The following FAM120B variants were observed in gnomAD, a reference collection of about 807,000 sequenced individuals.
FAM120B encodes family with sequence similarity 120 member B.
In FAM120B, 83 loss-of-function variants were observed where a neutral mutation model predicts 96.3. That is an observed-to-expected ratio of 0.86 (90% CI 0.72 to 1.03). FAM120B has a LOEUF of 1.03. Ranked by LOEUF, FAM120B falls within the 50% of genes least tolerant of loss-of-function variation. The pLI is 0.00. For missense variants in FAM120B, 1,027 were observed against 1,121.2 expected (o/e 0.92, Z 1.20); for synonymous variants, 407 against 402.7 (o/e 1.01, Z -0.13).
chr6:170,300,343 C>T (rs1479968893), intron 1 of FAM120B, among the ~76,000 whole-genome samples: 1 of 152,194 alleles, frequency 6.6e-6, no homozygotes, highest in Non-Finnish European at 1.5e-5. Flanking sequence ...ATCACCAAAA[C>T]AGCATGAGGG....
At chr6:170,348,923 A>G (rs1787394970) in intron 5 of FAM120B, among the ~76,000 whole-genome samples, 1 of 152,166 alleles carries the variant, frequency 6.6e-6, no homozygotes, top group Non-Finnish European at 1.5e-5. Flanking sequence ...CTGCTGAGCT[A>G]GAGATTGTAG....
intron 1 of FAM120B, among the ~76,000 whole-genome samples, chr6:170,296,953 C>T (rs950037676): frequency 1.3e-5 from 2 of 152,224 alleles, no homozygotes; most frequent in African/African-American, 4.8e-5. Flanking sequence ...CGGGCCGTGC[C>T]CACCACAGGG....
At chr6:170,381,205 G>A (rs1325055371) in intron 6 of FAM120B, among the ~76,000 whole-genome samples, 3 of 152,130 alleles carry the variant, frequency 2.0e-5, no homozygotes, top group Non-Finnish European at 4.4e-5. Context: ...TAGGGATAAG[G>A]CAGGGGATAT....
intron 7 of FAM120B, among the ~76,000 whole-genome samples, 153 bp from the exon 8 acceptor site, chr6:170,390,860 G>A (rs1371902970): frequency 5.9e-5 from 9 of 152,176 alleles, no homozygotes; most frequent in Non-Finnish European, 1.2e-4. Flanking sequence ...ACTGTGCTGC[G>A]GTTCATGTCT....
At chr6:170,354,826 G>A (rs576845466) in intron 5 of FAM120B, among the ~76,000 whole-genome samples, 1 of 152,294 alleles carries the variant, frequency 6.6e-6, no homozygotes, top group Non-Finnish European at 1.5e-5. Context: ...CTACTTGGGA[G>A]GCTGAGGCAG....
chr6:170,399,134 A>G (rs56737552), intron 9 of FAM120B, among the ~76,000 whole-genome samples: 4 of 142,624 alleles, frequency 2.8e-5, no homozygotes, highest in African/African-American at 5.4e-5. Flanking sequence ...GGAGTGAGTG[A>G]GAAAGGTAGA....
intron 6 of FAM120B, among the ~76,000 whole-genome samples, chr6:170,369,034 C>T (rs1195528228): frequency 2.0e-5 from 3 of 149,668 alleles, no homozygotes; most frequent in Admixed American, 6.8e-5. Context: ...TTTGGAAGGA[C>T]GTATTTGCCC....
intron 9 of FAM120B, among the ~76,000 whole-genome samples, chr6:170,400,975 G>A (rs977782262): frequency 9.2e-5 from 14 of 152,172 alleles, no homozygotes; most frequent in Admixed American, 9.2e-4. Flanking sequence ...CTTTAAACTA[G>A]ACCAAAAGAA....
At chr6:170,374,846 G>T (rs113765302) in intron 6 of FAM120B, among the ~76,000 whole-genome samples, 18 of 152,322 alleles carry the variant, frequency 1.2e-4, no homozygotes, top group African/African-American at 4.1e-4. Context: ...AGCTTTACCC[G>T]TGAAGGGCCG....
intron 1 of FAM120B, among the ~76,000 whole-genome samples, chr6:170,308,115 C>G (rs1784391101): frequency 6.6e-6 from 1 of 152,154 alleles, no homozygotes; most frequent in Admixed American, 6.5e-5. Flanking sequence ...AGGAGCCACC[C>G]TCTGCCACCA....
chr6:170,379,937 A>G (rs760929582), intron 6 of FAM120B, among the ~76,000 whole-genome samples: 1 of 152,174 alleles, frequency 6.6e-6, no homozygotes, highest in African/African-American at 2.4e-5. Context: ...TCCTCGTGCC[A>G]TGCATTAGAT....
At position 170,366,052 on chromosome 6, in the gene FAM120B, G is replaced by A. The variant is rs73251703; in HGVS notation, c.2283+7734G>A. On this transcript the variant is annotated intron_variant, in intron 6 of 10. Transcript: ENST00000476287. ...GGAAAATGCTTGGAGCCTAAGTCTT[G>A]TACGAAAAAATAGATAAATAAGCAA... Among the ~76,000 whole-genome samples, 812 of 152,246 alleles carry A rather than the reference G, an allele frequency of 5.3e-3. 8 individuals are homozygous for A. Among genetic ancestry groups the A allele is most frequent in the African/African-American group, 0.019 (775 of 41,530 alleles).
chr6:170,398,491 C>A, intron 9 of FAM120B, among the ~76,000 whole-genome samples: 1 of 151,514 alleles, frequency 6.6e-6, no homozygotes, highest in South Asian at 2.1e-4. Context: ...AGAACTATGT[C>A]ATAACTCTTA....
At chr6:170,340,124 A>C (rs1263716546) in intron 4 of FAM120B, among the ~76,000 whole-genome samples, 1 of 152,070 alleles carries the variant, frequency 6.6e-6, no homozygotes, top group Admixed American at 6.5e-5. Context: ...TTTCCGGTAC[A>C]CCAGTCCATC....
chr6:170,353,927 A>G (rs1214196106), intron 5 of FAM120B, among the ~76,000 whole-genome samples: 1 of 152,234 alleles, frequency 6.6e-6, no homozygotes. Context: ...ACTATTTTAA[A>G]ATGCATACAG....
chr6:170,388,327 TTC>T lies in FAM120B; in HGVS notation c.2327_2328del (p.Leu776ArgfsTer22). ...CCCAGAGCCGTGCAGCTGGGCTCCC[TTC>T]TCGTCCGCGGCCTCACCACTCTGGT... On this transcript the variant is annotated frameshift_variant, in exon 7 of 11. Coordinates refer to ENST00000476287, the MANE Select transcript of FAM120B (RefSeq NM_032448.3). LOFTEE classifies it high-confidence loss of function. 6.2e-7 allele frequency: 1 copy of T among 1,614,168 alleles called. No homozygotes were observed. Among genetic ancestry groups the T allele is most frequent in the Non-Finnish European group, 8.5e-7 (1 of 1,180,048 alleles).
At chr6:170,399,480 G>C (rs1485424890) in intron 9 of FAM120B, among the ~76,000 whole-genome samples, 24 of 149,398 alleles carry the variant, frequency 1.6e-4, no homozygotes, top group Non-Finnish European at 2.8e-4. Flanking sequence ...TTAGGAGTGA[G>C]TGAGAAAGGT....
intron 9 of FAM120B, among the ~76,000 whole-genome samples, chr6:170,403,979 C>T (rs996113054): frequency 6.6e-6 from 1 of 152,190 alleles, no homozygotes; most frequent in Non-Finnish European, 1.5e-5. Context: ...CCAGTCACGG[C>T]AAGTGAAGGC....
intron 6 of FAM120B, 72 bp downstream of exon 6, chr6:170,358,390 T>C (rs1788113199): frequency 9.2e-7 from 1 of 1,086,198 alleles, no homozygotes; most frequent in Non-Finnish European, 1.4e-6. Context: ...TTTCCCATTA[T>C]AGTTGAAGTT....
Sources: allele counts gnomAD v4.1 joint callset (sites outside exome capture counted in the v4.1 genomes callset), GRCh38; gene constraint gnomAD v4.1.1; transcripts MANE v1.5; gene names NCBI Gene and HGNC (gene_info 2026-07-23, HGNC 2026-07-21).